TACC3: variants seen among roughly 807,000 people sequenced by gnomAD.
TACC3 encodes transforming acidic coiled-coil-containing protein 3.
Under a neutral mutation model 86.0 loss-of-function variants are expected in TACC3, and 52 were observed. The observed-to-expected ratio is 0.60, with a 90% CI of 0.48 to 0.76. The LOEUF (loss-of-function observed/expected upper bound fraction) is 0.76. TACC3 is among the 30% of genes least tolerant of loss of function. TACC3 has a pLI of 0.00. For missense variants in TACC3, 1,120 were observed against 1,070.4 expected, an observed-to-expected ratio of 1.05 and a Z score of -0.65; for synonymous variants, 512 against 430.0, an observed-to-expected ratio of 1.19 and a Z score of -2.36.
chr4:1,737,418 C>T, intron 9 of TACC3, 90 bp downstream of exon 9: 1 of 1,365,304 alleles, frequency 7.3e-7, no homozygotes, highest in Middle Eastern at 1.8e-4. Context: ...TCCTGGGGGT[C>T]TGAGCCTTTG....
intron 13 of TACC3, chr4:1,741,734 AGG>A (rs973474780): frequency 3.3e-5 from 5 of 152,254 alleles, no homozygotes; most frequent in African/African-American, 1.2e-4. Context: ...CGGCCCTTGC[AGG>A]GCCTGCTGAG....
chr4:1,744,320 C>T, intron 13 of TACC3, 198 bp from the exon 14 acceptor site: 2 of 582,794 alleles, frequency 3.4e-6, no homozygotes. Context: ...GGGTGGAGAG[C>T]CAGGGCTGTC....
At position 1,728,905 on chromosome 4, in the gene TACC3, G is replaced by A. The variant is rs1055007959; in HGVS notation, c.1385+118G>A. On this transcript the variant is annotated intron_variant, in intron 4 of 15. Coordinates refer to ENST00000313288, the MANE Select transcript of TACC3 (RefSeq NM_006342.3). ...ACTCCTTTGAGGCCGGGTAGGTTCT[G>A]CCTGAGGAGGGGCCTCTGGATAAAA... 2.9e-6 allele frequency: 3 copies of A among 1,042,550 alleles called. No individual in the cohort carries two copies. In the African/African-American group the frequency reaches 4.8e-5, roughly 17 times the overall value. 64.6% of individuals were successfully genotyped at this position (1,042,550 alleles called of 1,614,324 possible).
Position 1,737,598 on chromosome 4 carries a change from G to C in TACC3, c.1837G>C (p.Val613Leu). 1 of 1,506,052 alleles carries C rather than the reference G, an allele frequency of 6.6e-7. No homozygotes were observed. The highest frequency in any genetic ancestry group is 8.9e-7 in the Non-Finnish European group (1 of 1,122,540). The allele number at this position is 1,506,052 out of a possible 1,614,324, so 93.3% of individuals were successfully genotyped here. ...FDFLGALDIP[V>L]PGPPPGVPAP... ...CCTGTTTCATCCCCATCTCCCGCAG[G>C]TGCCAGGCCCACCCCCAGGTGTTCC... Residue 613 changes from valine to leucine, a missense_variant and splice_region_variant, in exon 10 of 16, where the codon GTG (valine) becomes CTG (leucine). Coordinates refer to ENST00000313288, the MANE Select transcript of TACC3 (RefSeq NM_006342.3).
chr4:1,737,743 C>T lies in TACC3; in HGVS notation c.1941+41C>T, dbSNP rs577034666. ...GTAGCTATTCCACAGAACCTGCAGG[C>T]CGCTCTGGGGCTTGGCCAACAGTGG... On this transcript the variant is annotated intron_variant, in intron 10 of 15. Coordinates refer to ENST00000313288, the MANE Select transcript of TACC3 (RefSeq NM_006342.3). 3.3e-6 allele frequency: 5 copies of T among 1,526,166 alleles called. No homozygotes were observed. In the African/African-American group the frequency reaches 6.9e-5, roughly 21 times the overall value. 94.5% of individuals were successfully genotyped at this position (1,526,166 alleles called of 1,614,324 possible).
chr4:1,722,079 C>G (rs1331088756), intron 1 of TACC3, among the ~76,000 whole-genome samples: 1 of 152,198 alleles, frequency 6.6e-6, no homozygotes. Context: ...GGGCCCCTAC[C>G]GCTTCCCCGC....
Position 1,735,685 on chromosome 4 carries a change from T to G in TACC3, c.1645-46T>G. 3 of 1,467,862 alleles carry G rather than the reference T, an allele frequency of 2.0e-6. No homozygotes were observed. The highest frequency in any genetic ancestry group is 2.9e-6 in the Non-Finnish European group (3 of 1,049,940). The allele number at this position is 1,467,862 out of a possible 1,614,324, so 90.9% of individuals were successfully genotyped here. A position where few individuals can be genotyped will look rare whatever the true frequency, so the allele number is the denominator to read the frequency against. ...CCCTGGCCCTTAGCCCCCGTGTGTGTTAGGGGATGGCAGTCAGACCTGATC... is the reference window on the plus strand; with the variant it reads ...CCCTGGCCCTTAGCCCCCGTGTGTGGTAGGGGATGGCAGTCAGACCTGATC... On this transcript the variant is annotated intron_variant, in intron 7 of 15. Coordinates refer to ENST00000313288, the MANE Select transcript of TACC3 (RefSeq NM_006342.3). The surrounding 1 kb of genome is among the most constrained non-coding windows in gnomAD (Gnocchi z 4.2).
intron 12 of TACC3, 37 bp from the exon 13 acceptor site, chr4:1,740,789 C>T (rs1323919705): frequency 7.0e-6 from 11 of 1,580,966 alleles, no homozygotes; most frequent in Admixed American, 1.8e-5. Flanking sequence ...GTTTCGGTTG[C>T]CTCCTCATCC....
intron 10 of TACC3, 39 bp from the exon 11 acceptor site, chr4:1,739,663 T>C (rs766839051): frequency 2.6e-6 from 4 of 1,551,046 alleles, no homozygotes; most frequent in Non-Finnish European, 3.5e-6. Flanking sequence ...AGGGTCAGTC[T>C]GGCCCGCCTG....
At chr4:1,720,637 C>A, upstream of TACC3, 1 of 1,539,504 alleles carries the variant, frequency 6.5e-7, no homozygotes, top group Non-Finnish European at 8.7e-7. The surrounding 1 kb of genome is among the most constrained non-coding windows in gnomAD (Gnocchi z 4.4). Flanking sequence ...CCTCACCGAG[C>A]GGCAGCAGCG....
intron 1 of TACC3, among the ~76,000 whole-genome samples, chr4:1,722,112 C>A (rs991484041): frequency 9.2e-5 from 14 of 152,160 alleles, no homozygotes; most frequent in Non-Finnish European, 1.5e-5. Flanking sequence ...GCTCCACCTT[C>A]CCCCCGCACC....
intron 10 of TACC3, chr4:1,737,998 T>C (rs1239089304): frequency 2.1e-6 from 1 of 483,084 alleles, no homozygotes; most frequent in South Asian, 1.8e-5. Context: ...TGAGTGTGGT[T>C]CTTGCTGCCG....
At chr4:1,740,791 T>G (rs535766200) in intron 12 of TACC3, 35 bp from the exon 13 acceptor site, 12 of 1,586,866 alleles carry the variant, frequency 7.6e-6, no homozygotes, top group Middle Eastern at 1.7e-4. Context: ...TTCGGTTGCC[T>G]CCTCATCCTG....
intron 13 of TACC3, 42 bp downstream of exon 13, chr4:1,741,028 T>C (rs1718574108): frequency 1.9e-6 from 3 of 1,561,528 alleles, no homozygotes; most frequent in South Asian, 2.4e-5. Context: ...CGGAGGCTGA[T>C]GGACTCATGG....
chr4:1,721,007 A>T (rs1717304371), upstream of TACC3: 4 of 258,082 alleles, frequency 1.5e-5, no homozygotes, highest in Admixed American at 2.4e-4. Context: ...ACTCTAGGAC[A>T]TGGAGTCCCG....
chr4:1,730,818 G>A (rs902213016), intron 4 of TACC3, 69 bp from the exon 5 acceptor site: 3 of 1,524,396 alleles, frequency 2.0e-6, no homozygotes, highest in Non-Finnish European at 2.7e-6. Flanking sequence ...TGGCAGCTCA[G>A]TGCTGGAGCA....
intron 12 of TACC3, chr4:1,740,597 C>G (rs1718543301): frequency 2.1e-6 from 1 of 468,078 alleles, no homozygotes; most frequent in African/African-American, 2.0e-5. Context: ...ACCTCTGGCC[C>G]AGGCTCCAGT....
chr4:1,733,083 G>A (rs1041420347), intron 6 of TACC3, among the ~76,000 whole-genome samples: 5 of 152,052 alleles, frequency 3.3e-5, no homozygotes, highest in African/African-American at 1.2e-4. Flanking sequence ...CCACATCCTC[G>A]CCAGCGCTGC....
rs529630952 is a variant in TACC3, at chr4:1,728,428, A to G, written c.1026A>G (p.Val342=). Reference sequence around the variant, plus strand: ...GACCTGTAAAACTAGAATTTGATGTATCTGATGGCGCCACCAGCAAAAGGG... The same window carrying G: ...GACCTGTAAAACTAGAATTTGATGTGTCTGATGGCGCCACCAGCAAAAGGG... ...RSGPVKLEFD[V]SDGATSKRAP... Residue 342 remains valine (V), a synonymous_variant, in exon 4 of 16, where the codon GTA becomes GTG. Transcript: ENST00000313288. 1 of 1,613,550 alleles carries G rather than the reference A, an allele frequency of 6.2e-7. No homozygotes were observed. The highest frequency in any genetic ancestry group is 1.3e-5 in the African/African-American group (1 of 74,944).
Sources: gnomAD v4.1 joint callset for allele counts (sites outside exome capture counted in the v4.1 genomes callset) on GRCh38, gnomAD v4.1.1 for gene constraint, Gnocchi (gnomAD v3.1) non-coding constraint, MANE v1.5 for transcripts, NCBI Gene and HGNC (gene_info 2026-07-23, HGNC 2026-07-21) for gene names.